The following RUFY3 variants were observed in gnomAD, a reference collection of about 807,000 sequenced individuals.
The protein encoded by RUFY3 is RUN and FYVE domain containing 3, also known as protein RUFY3.
Under a neutral mutation model 84.0 loss-of-function variants are expected in RUFY3, and 34 were observed. The observed-to-expected ratio is 0.40, with a 90% confidence interval of 0.31 to 0.54. RUFY3 has a LOEUF of 0.54. RUFY3 is among the 20% of genes least tolerant of loss of function. RUFY3 has a pLI of 0.39. For synonymous variants in RUFY3, 242 were observed against 252.9 expected, an observed-to-expected ratio of 0.96 and a Z score of 0.41; for missense variants, 507 against 736.8, an observed-to-expected ratio of 0.69 and a Z score of 3.61.
intron 1 of RUFY3, among the ~76,000 whole-genome samples, chr4:70,726,731 T>G (rs913399812): frequency 6.6e-6 from 1 of 152,226 alleles, no homozygotes; most frequent in Non-Finnish European, 1.5e-5. Context: ...AGATTTATAC[T>G]TTTCCAGATT....
intron 1 of RUFY3, among the ~76,000 whole-genome samples, chr4:70,728,674 C>T (rs902614162): frequency 1.3e-5 from 2 of 152,064 alleles, no homozygotes; most frequent in African/African-American, 4.8e-5. Context: ...AAATGTCCAG[C>T]TTTTGGTCTA....
chr4:70,762,375 A>T, intron 1 of RUFY3, 144 bp from the exon 2 acceptor site: 1 of 671,524 alleles, frequency 1.5e-6, no homozygotes, highest in Non-Finnish European at 2.5e-6. Flanking sequence ...AGTTCATTTT[A>T]CTGCTTCATT....
chr4:70,792,616 G>A lies in RUFY3; in HGVS notation c.1338-1169G>A, dbSNP rs556707362. 11 of 985,054 alleles carry A rather than the reference G, an allele frequency of 1.1e-5. No homozygotes were observed. The South Asian group carries it at 4.2e-4, about 38-fold the overall frequency. 61.0% of individuals were successfully genotyped at this position (985,054 alleles called of 1,614,324 possible). A position where few individuals can be genotyped will look rare whatever the true frequency, so the allele number is the denominator to read the frequency against. On this transcript the variant is annotated intron_variant, in intron 12 of 17. Coordinates refer to ENST00000381006, the MANE Select transcript of RUFY3 (RefSeq NM_001037442.4). ...GTTTTTTTCTCTTTTTTTCATTCTG[G>A]TATGCTTTGCAGCATTTCAGCTGCT...
At chr4:70,715,912 G>C (rs1342086352) in intron 1 of RUFY3, among the ~76,000 whole-genome samples, 4 of 152,110 alleles carry the variant, frequency 2.6e-5, no homozygotes, top group African/African-American at 9.7e-5. Context: ...AGGAGATCAA[G>C]ACCATCCTGG....
At chr4:70,767,971 G>A (rs1726271433) in intron 4 of RUFY3, among the ~76,000 whole-genome samples, 1 of 152,056 alleles carries the variant, frequency 6.6e-6, no homozygotes, top group African/African-American at 2.4e-5. Flanking sequence ...GAGCCACCGT[G>A]CCCAGCCAAT....
intron 7 of RUFY3, among the ~76,000 whole-genome samples, chr4:70,778,018 GGTCA>G (rs1297269287): frequency 6.6e-6 from 1 of 152,086 alleles, no homozygotes; most frequent in Non-Finnish European, 1.5e-5. Flanking sequence ...GGTCACTTGA[GGTCA>G]ACAGTTTGAG....
chr4:70,782,998 A>G (rs1042025499), intron 8 of RUFY3, 93 bp from the exon 9 acceptor site: 110 of 729,128 alleles, frequency 1.5e-4, no homozygotes, highest in Non-Finnish European at 2.0e-5. Flanking sequence ...AGAATATCCA[A>G]GCCTGAGAAT....
chr4:70,777,223 T>A (rs182840372), intron 7 of RUFY3, among the ~76,000 whole-genome samples: 1 of 152,176 alleles, frequency 6.6e-6, no homozygotes, highest in Non-Finnish European at 1.5e-5. Context: ...TGCAGGTAAC[T>A]GAAACCACAG....
At chr4:70,732,779 G>A (rs1398499159) in intron 1 of RUFY3, among the ~76,000 whole-genome samples, 2 of 151,422 alleles carry the variant, frequency 1.3e-5, no homozygotes, top group Admixed American at 6.6e-5. Flanking sequence ...GCTGGGGGGA[G>A]GGATAGCATT....
At chr4:70,735,007 A>C (rs1385605764) in intron 1 of RUFY3, among the ~76,000 whole-genome samples, 4 of 152,224 alleles carry the variant, frequency 2.6e-5, no homozygotes, top group Non-Finnish European at 4.4e-5. Context: ...GTCCTAAACT[A>C]ATCACTGAAA....
At chr4:70,776,350 G>T (rs545763725) in intron 7 of RUFY3, among the ~76,000 whole-genome samples, 47 of 152,060 alleles carry the variant, frequency 3.1e-4, no homozygotes, top group Non-Finnish European at 5.9e-4. Flanking sequence ...TGTTTTCATT[G>T]AACTTCTTCT....
chr4:70,790,198 C>A (rs912399181), intron 12 of RUFY3: 1 of 152,288 alleles, frequency 6.6e-6, no homozygotes. Flanking sequence ...CCACCAGTAT[C>A]TACAATTCAG....
chr4:70,724,081 A>G (rs956686866), intron 1 of RUFY3, among the ~76,000 whole-genome samples: 16 of 152,204 alleles, frequency 1.1e-4, no homozygotes, highest in Admixed American at 5.9e-4. Context: ...TATGTGCACA[A>G]GTTATAAGAC....
intron 1 of RUFY3, among the ~76,000 whole-genome samples, chr4:70,739,580 T>G (rs1720965909): frequency 6.6e-6 from 1 of 152,018 alleles, no homozygotes; most frequent in South Asian, 2.1e-4. Context: ...GGGGACAAAA[T>G]AACCCCCAGG....
intron 1 of RUFY3, among the ~76,000 whole-genome samples, chr4:70,729,052 T>C (rs1158619937): frequency 6.6e-6 from 1 of 152,150 alleles, no homozygotes; most frequent in Non-Finnish European, 1.5e-5. Context: ...TGGGGTATAT[T>C]TGAGAACAGT....
chr4:70,708,999 A>G (rs1449176629), intron 1 of RUFY3, among the ~76,000 whole-genome samples: 2 of 152,248 alleles, frequency 1.3e-5, no homozygotes, highest in African/African-American at 4.8e-5. Context: ...TTGAGGATGC[A>G]GTGAGTCGTG....
At chr4:70,768,474 G>T in intron 4 of RUFY3, 64 bp from the exon 5 acceptor site, 5 of 1,536,514 alleles carry the variant, frequency 3.3e-6, no homozygotes, top group African/African-American at 2.8e-5. Flanking sequence ...AACCATTTTT[G>T]TCCTTGTCTC....
At chr4:70,714,696 AT>A (rs1741373744) in intron 1 of RUFY3, among the ~76,000 whole-genome samples, 1 of 152,228 alleles carries the variant, frequency 6.6e-6, no homozygotes, top group African/African-American at 2.4e-5. Context: ...GGTAGGTACT[AT>A]TTTGAGTAGA....
chr4:70,764,514 A>G lies in RUFY3; in HGVS notation c.510A>G (p.Ala170=), dbSNP rs778214568. The G allele has an allele frequency of 1.2e-5, 19 of 1,613,834 alleles. No homozygotes were observed. The highest frequency in any genetic ancestry group is 2.7e-5 in the African/African-American group (2 of 74,930). ...GAGGAAGAGCCTGGCTTCGTTTGGC[A>G]TTAATGCAAAAGAAACTTTCAGAAT... ...VGRGRAWLRL[A]LMQKKLSEYM... Residue 170 remains alanine, a synonymous_variant, in exon 4 of 18, where the codon GCA becomes GCG. Transcript: ENST00000381006.
Sources: allele counts gnomAD v4.1 joint callset (sites outside exome capture counted in the v4.1 genomes callset), GRCh38; gene constraint gnomAD v4.1.1; transcripts MANE v1.5; gene names NCBI Gene and HGNC (gene_info 2026-07-23, HGNC 2026-07-21).